LOXHD1: variants seen among roughly 807,000 people sequenced by gnomAD.
LOXHD1 encodes the protein lipoxygenase homology domain-containing protein 1.
LOXHD1 carries 205 observed loss-of-function variants against 248.2 expected under a neutral mutation model. The ratio of observed to expected loss-of-function variants is 0.83; its 90% CI spans 0.74 to 0.93. LOXHD1 has a LOEUF of 0.93. Ranked by LOEUF, LOXHD1 falls within the 40% of genes least tolerant of loss-of-function variation. LOXHD1 has a pLI of 0.00. For missense variants in LOXHD1, 2,930 were observed against 2,971.6 expected, an observed-to-expected ratio of 0.99 and a Z score of 0.33; for synonymous variants, 1,113 against 1,162.8, an observed-to-expected ratio of 0.96 and a Z score of 0.87.
chr18:46,656,161 T>C (rs759430187), intron 1 of LOXHD1, among the ~76,000 whole-genome samples: 1 of 152,116 alleles, frequency 6.6e-6, no homozygotes, highest in African/African-American at 2.4e-5. Context: ...CCAGACCTAG[T>C]ATGAGATGAC....
chr18:46,479,236 A>ATGTGTGTG (rs10645069), intron 40 of LOXHD1, among the ~76,000 whole-genome samples: 25,206 of 142,668 alleles, frequency 0.18, 2,869 homozygotes, highest in East Asian at 0.58. Context: ...ATATATATGT[A>ATGTGTGTG]TGTGTGTGTG....
chr18:46,477,761 A>T lies in LOXHD1; in HGVS notation c.6533T>A (p.Ile2178Asn), dbSNP rs1222908273. The change falls in exon 41 of 41, where the codon ATC becomes AAC. Residue 2178 changes from isoleucine (I) to asparagine (N), a missense_variant. Coordinates refer to ENST00000642948, the MANE Select transcript of LOXHD1 (RefSeq NM_001384474.1). ...AGTDANVFVT[I>N]FGANGDTGKR... ...GCCTGTGTCTCCGTTGGCCCCAAAG[A>T]TGGTCACGAAGACGTTGGCATCAGT... The T allele has an allele frequency of 1.3e-6, 2 of 1,551,748 alleles. No individual in the cohort carries two copies. The highest frequency in any genetic ancestry group is 1.7e-6 in the Non-Finnish European group (2 of 1,147,048).
In LOXHD1 at chr18:46,563,049, C is replaced by A; in HGVS notation, c.2598+16G>T. 6.6e-7 allele frequency: 1 copy of A among 1,526,706 alleles called. No homozygotes were observed. The highest frequency in any genetic ancestry group is 1.2e-5 in the South Asian group (1 of 83,208). 94.6% of individuals were successfully genotyped at this position (1,526,706 alleles called of 1,614,324 possible). ...TGAGCCTGCTGTTGGCACCCCCGCTCCTCGACCCCACATACCTGGAATGTG... is the reference window on the plus strand; with the variant it reads ...TGAGCCTGCTGTTGGCACCCCCGCTACTCGACCCCACATACCTGGAATGTG... On this transcript the variant is annotated intron_variant, in intron 18 of 40. Transcript: ENST00000642948.
chr18:46,509,250 T>G (rs2034794009), intron 35 of LOXHD1, among the ~76,000 whole-genome samples: 1 of 152,030 alleles, frequency 6.6e-6, no homozygotes, highest in Admixed American at 6.6e-5. Context: ...AAGCTCAGAC[T>G]CAGAGGCCCA....
Position 46,489,016 on chromosome 18 carries a change from A to T in LOXHD1, c.6005T>A (p.Phe2002Tyr). The change falls in exon 38 of 41, where the codon TTT becomes TAT. Residue 2002 changes from phenylalanine (F) to tyrosine (Y), a missense_variant. By Grantham distance (22) the Phe-to-Tyr change is conservative. Transcript: ENST00000642948. ...SEGDGQTVRD[F>Y]ACANNKICDE... Reference sequence around the variant, plus strand: ...ACAGATCTTGTTGTTGGCACAGGCAAAGTCGCGGACCGTCTGCCCGTCACC... The same window carrying T: ...ACAGATCTTGTTGTTGGCACAGGCATAGTCGCGGACCGTCTGCCCGTCACC... 1 of 1,551,676 alleles carries T rather than the reference A, an allele frequency of 6.4e-7. No individual in the cohort carries two copies. The highest frequency in any genetic ancestry group is 8.7e-7 in the Non-Finnish European group (1 of 1,146,996).
Position 46,545,189 on chromosome 18 carries a change from G to A in LOXHD1, c.3619+128C>T, listed in dbSNP as rs369406749. On this transcript the variant is annotated intron_variant, in intron 23 of 40. Transcript: ENST00000642948. ...AAAAAGGAACTGCCTTTCTCGATGG[G>A]GCTAATTGCTTGCATCCTATTGAGA... is the stretch of plus-strand genomic sequence containing the variant. 3 of 689,916 alleles carry A rather than the reference G, an allele frequency of 4.3e-6. No individual in the cohort carries two copies. In the South Asian group the frequency reaches 5.5e-5, roughly 13 times the overall value. 42.7% of individuals were successfully genotyped at this position (689,916 alleles called of 1,614,324 possible).
intron 38 of LOXHD1, among the ~76,000 whole-genome samples, chr18:46,486,270 G>C (rs968629345): frequency 6.6e-6 from 1 of 152,102 alleles, no homozygotes; most frequent in South Asian, 2.1e-4. Flanking sequence ...TGGATCCAAA[G>C]GGGTAGCTCT....
intron 21 of LOXHD1, 55 bp from the exon 22 acceptor site, chr18:46,547,113 G>C: frequency 6.5e-7 from 1 of 1,545,516 alleles, no homozygotes; most frequent in South Asian, 1.2e-5. Context: ...GTCTCGTCCA[G>C]GAGCAGTCAT....
Position 46,509,736 on chromosome 18 carries a change from C to T in LOXHD1, c.5479G>A (p.Asp1827Asn), listed in dbSNP as rs1167683873. 11 of 1,551,518 alleles carry T rather than the reference C, an allele frequency of 7.1e-6. No individual in the cohort carries two copies. In the East Asian group the frequency reaches 2.4e-4, roughly 34 times the overall value. The change falls in exon 35 of 41, where the codon GAT becomes AAT. Residue 1827 changes from aspartate to asparagine, a missense_variant. Coordinates refer to ENST00000642948, the MANE Select transcript of LOXHD1 (RefSeq NM_001384474.1). The part of the protein sequence containing the change: ...APFTKMRIRI[D>N]GLGSRPEWFL... ...CACTCCGGCCGACTGCCCAGGCCATCAATCCGGATCCGCATCTTGGTGAAT... is the reference window on the plus strand; with the variant it reads ...CACTCCGGCCGACTGCCCAGGCCATTAATCCGGATCCGCATCTTGGTGAAT...
intron 30 of LOXHD1, 53 bp downstream of exon 30, chr18:46,524,655 G>A: frequency 6.4e-7 from 1 of 1,551,028 alleles, no homozygotes; most frequent in East Asian, 2.4e-5. Flanking sequence ...CACCTCGAGG[G>A]ACCTCCCCTA....
chr18:46,610,062 C>T (rs59752872), intron 6 of LOXHD1, among the ~76,000 whole-genome samples: 13,229 of 152,156 alleles, frequency 0.087, 710 homozygotes, highest in African/African-American at 0.16. Context: ...CACAAGAAAG[C>T]GTACGCTTGG....
chr18:46,596,112 C>G (rs1301080606), intron 8 of LOXHD1, among the ~76,000 whole-genome samples: 1 of 150,782 alleles, frequency 6.6e-6, no homozygotes, highest in Non-Finnish European at 1.5e-5. Flanking sequence ...TTAAACATAA[C>G]TATCCTGAGG....
intron 33 of LOXHD1, chr18:46,518,732 A>C (rs1361320828): frequency 1.4e-5 from 4 of 276,660 alleles, no homozygotes; most frequent in Non-Finnish European, 1.7e-5. Context: ...AGAGCTGCTG[A>C]CAATTCGCAT....
rs991149163 is a variant in LOXHD1, at chr18:46,546,882, T to C, written c.3514+13A>G. 1.5e-5 allele frequency: 23 copies of C among 1,546,700 alleles called. No homozygotes were observed. Among genetic ancestry groups the C allele is most frequent in the African/African-American group, 2.7e-5 (2 of 72,954 alleles). Reference sequence around the variant, plus strand: ...GGGTGCTGGAGAAAGAAATCAGCTCTAGTTTAGAAAACCTTTCTGCTCCAG... The same window carrying C: ...GGGTGCTGGAGAAAGAAATCAGCTCCAGTTTAGAAAACCTTTCTGCTCCAG... On this transcript the variant is annotated intron_variant, in intron 22 of 40. Coordinates refer to ENST00000642948, the MANE Select transcript of LOXHD1 (RefSeq NM_001384474.1).
At chr18:46,510,598 T>C (rs2034900709) in intron 34 of LOXHD1, among the ~76,000 whole-genome samples, 1 of 152,196 alleles carries the variant, frequency 6.6e-6, no homozygotes, top group South Asian at 2.1e-4. Flanking sequence ...GTAATGCAGG[T>C]GGCACTGGAG....
chr18:46,489,176 G>C (rs760473300), intron 37 of LOXHD1, 34 bp from the exon 38 acceptor site: 260 of 1,549,990 alleles, frequency 1.7e-4, no homozygotes, highest in Non-Finnish European at 2.2e-4. Context: ...TTGGAAGCTG[G>C]ATGTGCCTTC....
intron 5 of LOXHD1, among the ~76,000 whole-genome samples, chr18:46,616,763 A>G (rs2038593850): frequency 6.6e-6 from 1 of 152,246 alleles, no homozygotes; most frequent in Non-Finnish European, 1.5e-5. Context: ...ATCCTTGCTT[A>G]GAATAGTGAA....
At chr18:46,579,391 T>G (rs2037919252) in intron 13 of LOXHD1, among the ~76,000 whole-genome samples, 1 of 152,170 alleles carries the variant, frequency 6.6e-6, no homozygotes. Context: ...TGTCCATGCA[T>G]ATTAGTGAAT....
At chr18:46,511,284 T>C (rs2034947648) in intron 34 of LOXHD1, among the ~76,000 whole-genome samples, 1 of 152,280 alleles carries the variant, frequency 6.6e-6, no homozygotes, top group African/African-American at 2.4e-5. Context: ...ACTAGCCACA[T>C]CCTTCCAGGT....
Sources: gnomAD v4.1 joint callset for allele counts (sites outside exome capture counted in the v4.1 genomes callset) on GRCh38, gnomAD v4.1.1 for gene constraint, MANE v1.5 for transcripts, NCBI Gene and HGNC (gene_info 2026-07-23, HGNC 2026-07-21) for gene names.